ARF4: variants seen among roughly 807,000 people sequenced by gnomAD.
ARF4 encodes the protein ADP-ribosylation factor 4.
In ARF4, 5 loss-of-function variants were observed where a neutral mutation model predicts 24.3. The observed-to-expected ratio is 0.21, with a 90% CI of 0.11 to 0.43. ARF4 has a LOEUF of 0.43. Ranked by LOEUF, ARF4 falls within the 20% of genes least tolerant of loss-of-function variation. The probability of loss-of-function intolerance (pLI) is 1.00; values close to 1 mark genes in which losing one functional copy is unlikely to be tolerated. For synonymous variants in ARF4, 62 were observed against 73.5 expected, an observed-to-expected ratio of 0.84 and a Z score of 0.80; for missense variants, 107 against 213.0, an observed-to-expected ratio of 0.50 and a Z score of 3.10.
intron 1 of ARF4, among the ~76,000 whole-genome samples, chr3:57,590,385 C>T (rs1216271812): frequency 4.0e-5 from 6 of 151,604 alleles, no homozygotes; most frequent in African/African-American, 1.5e-4. Context: ...ACTTGGGAGG[C>T]TGAGGCAGGA....
intron 1 of ARF4, among the ~76,000 whole-genome samples, chr3:57,596,165 G>C (rs1277541383): frequency 6.6e-6 from 1 of 151,882 alleles, no homozygotes; most frequent in Admixed American, 6.6e-5. Flanking sequence ...GCAAAAACAC[G>C]CCCCCTAAAA....
Position 57,584,555 on chromosome 3 carries a change from T to C in ARF4, c.68-91A>G, listed in dbSNP as rs1278800803. 1.1e-5 allele frequency: 13 copies of C among 1,173,884 alleles called. No homozygotes were observed. In the East Asian group the frequency reaches 2.8e-4, roughly 26 times the overall value. The allele number at this position is 1,173,884 out of a possible 1,614,324, so 72.7% of individuals were successfully genotyped here. A position where few individuals can be genotyped will look rare whatever the true frequency, so the allele number is the denominator to read the frequency against. ...TAAATTTATAGTTCAAAACTAGAAG[T>C]TGACTGTTCAAGACAACTTCTAAAT... On this transcript the variant is annotated intron_variant, in intron 1 of 5. Coordinates refer to ENST00000303436, the MANE Select transcript of ARF4 (RefSeq NM_001660.4).
chr3:57,577,932 T>G (rs112311680), intron 3 of ARF4, among the ~76,000 whole-genome samples: 7,271 of 151,844 alleles, frequency 0.048, 223 homozygotes, highest in African/African-American at 0.087. Flanking sequence ...GTGCATGCCT[T>G]TAGTCCCAGC....
chr3:57,573,294 A>C (rs1157815196), intron 5 of ARF4, among the ~76,000 whole-genome samples: 1 of 152,142 alleles, frequency 6.6e-6, no homozygotes, highest in East Asian at 1.9e-4. Context: ...AGTCTCATGC[A>C]TTCCAAAACG....
At chr3:57,586,503 C>T (rs1326360565) in intron 1 of ARF4, among the ~76,000 whole-genome samples, 1 of 152,166 alleles carries the variant, frequency 6.6e-6, no homozygotes, top group Non-Finnish European at 1.5e-5. Context: ...CCAAGAATAA[C>T]TTTAAGTTCT....
chr3:57,580,100 A>G (rs1447398066), intron 3 of ARF4, among the ~76,000 whole-genome samples: 1 of 152,132 alleles, frequency 6.6e-6, no homozygotes, highest in Non-Finnish European at 1.5e-5. Flanking sequence ...GTGAGACCCC[A>G]TCTCAAAAAC....
In ARF4 at chr3:57,575,466, GT is replaced by G. The variant is rs2069892324; in HGVS notation, c.456+81del. 2.2e-6 allele frequency: 3 copies of G among 1,374,778 alleles called. No individual in the cohort carries two copies. In the South Asian group the frequency reaches 4.7e-5, roughly 22 times the overall value. 85.2% of individuals were successfully genotyped at this position (1,374,778 alleles called of 1,614,324 possible). A position where few individuals can be genotyped will look rare whatever the true frequency, so the allele number is the denominator to read the frequency against. On this transcript the variant is annotated intron_variant, in intron 5 of 5. Transcript: ENST00000303436. ...TATTTGTCCAAAGGAGATAATAAAT[GT>G]TTAAACTGAATATTAGCTTACACAA...
chr3:57,579,253 C>CAAAG (rs1553730017), intron 3 of ARF4, among the ~76,000 whole-genome samples: 3 of 47,600 alleles, frequency 6.3e-5, no homozygotes, highest in Non-Finnish European at 1.1e-4. Flanking sequence ...AACTACATCT[C>CAAAG]AAAAAAAAAA....
rs775008159 is a variant in ARF4, at chr3:57,597,262, G to C, written c.-122C>G. The C allele has an allele frequency of 5.1e-6, 5 of 984,376 alleles. No homozygotes were observed. The highest frequency in any genetic ancestry group is 7.7e-6 in the Non-Finnish European group (5 of 649,104). 61.0% of individuals were successfully genotyped at this position (984,376 alleles called of 1,614,324 possible). A position where few individuals can be genotyped will look rare whatever the true frequency, so the allele number is the denominator to read the frequency against. ...AAGAGAAAGAGCGGAGGAAGAAAGAGGGAGGCAGAAACGTCTCAGTGGCCC... is the reference window on the plus strand; with the variant it reads ...AAGAGAAAGAGCGGAGGAAGAAAGACGGAGGCAGAAACGTCTCAGTGGCCC... On this transcript the variant is annotated 5_prime_UTR_variant, in exon 1 of 6. Transcript: ENST00000303436.
rs985729839 is a variant in ARF4 at position 57,597,253 on chromosome 3, G to A, written c.-113C>T. On this transcript the variant is annotated 5_prime_UTR_variant, in exon 1 of 6. Coordinates refer to ENST00000303436, the MANE Select transcript of ARF4 (RefSeq NM_001660.4). ...ACGAGAGGGAAGAGAAAGAGCGGAG[G>A]AAGAAAGAGGGAGGCAGAAACGTCT... The A allele has an allele frequency of 6.8e-5, 71 of 1,050,362 alleles. No homozygotes were observed. Among genetic ancestry groups the A allele is most frequent in the African/African-American group, 5.7e-4 (36 of 62,850 alleles). 65.1% of individuals were successfully genotyped at this position (1,050,362 alleles called of 1,614,324 possible).
chr3:57,596,877 T>G (rs2070194960), intron 1 of ARF4, 197 bp downstream of exon 1: 1 of 595,180 alleles, frequency 1.7e-6, no homozygotes, highest in Non-Finnish European at 3.0e-6. Flanking sequence ...CCCTGTCTCG[T>G]CTGGCGACAG....
At chr3:57,578,158 C>G (rs2153408581) in intron 3 of ARF4, among the ~76,000 whole-genome samples, 1 of 152,224 alleles carries the variant, frequency 6.6e-6, no homozygotes, top group South Asian at 2.1e-4. Context: ...AGTGTGTACA[C>G]TACAGTTTTT....
intron 3 of ARF4, among the ~76,000 whole-genome samples, chr3:57,581,772 A>T (rs1294008452): frequency 6.6e-6 from 1 of 152,172 alleles, no homozygotes; most frequent in Non-Finnish European, 1.5e-5. Context: ...AGCCTGGGTG[A>T]CAGGACGAGA....
At chr3:57,586,955 G>A (rs7647714) in intron 1 of ARF4, among the ~76,000 whole-genome samples, 113,344 of 151,264 alleles carry the variant, frequency 0.75, 44,415 homozygotes, top group East Asian at 1. Flanking sequence ...ACACACACAC[G>A]CACACACACA....
At chr3:57,582,646 G>A (rs2069988870) in intron 3 of ARF4, among the ~76,000 whole-genome samples, 3 of 152,116 alleles carry the variant, frequency 2.0e-5, no homozygotes, top group African/African-American at 7.2e-5. Flanking sequence ...ACTGCCACCT[G>A]ATGGCAATAA....
chr3:57,573,146 G>T (rs555688119), intron 5 of ARF4, among the ~76,000 whole-genome samples: 1 of 150,138 alleles, frequency 6.7e-6, no homozygotes, highest in African/African-American at 2.4e-5. Context: ...AGCTTGCAGT[G>T]AGCCGAGATC....
chr3:57,593,555 A>C (rs1220816733), intron 1 of ARF4, among the ~76,000 whole-genome samples: 2 of 152,242 alleles, frequency 1.3e-5, no homozygotes, highest in Non-Finnish European at 1.5e-5. Flanking sequence ...TGATATCAGC[A>C]AACTTTTTAA....
intron 1 of ARF4, among the ~76,000 whole-genome samples, chr3:57,593,342 CAA>C (rs1241723147): frequency 1.3e-5 from 2 of 152,002 alleles, no homozygotes; most frequent in African/African-American, 4.8e-5. Flanking sequence ...CTTTTAGAAT[CAA>C]GAGGAAAAAC....
intron 1 of ARF4, among the ~76,000 whole-genome samples, chr3:57,586,353 T>G (rs2070036630): frequency 6.6e-6 from 1 of 152,220 alleles, no homozygotes; most frequent in Non-Finnish European, 1.5e-5. Context: ...AAAAAAGAGC[T>G]GAAATTATCT....
Sources: allele counts gnomAD v4.1 joint callset (sites outside exome capture counted in the v4.1 genomes callset), GRCh38; gene constraint gnomAD v4.1.1; transcripts MANE v1.5; gene names NCBI Gene and HGNC (gene_info 2026-07-23, HGNC 2026-07-21).